Variants in STAR observed in about 807,000 individuals in gnomAD.
STAR encodes the protein steroidogenic acute regulatory protein, mitochondrial.
A neutral mutation model predicts 32.3 loss-of-function variants in STAR; 32 were observed. The observed-to-expected ratio is 0.99, with a 90% CI of 0.75 to 1.33. The LOEUF (loss-of-function observed/expected upper bound fraction) is 1.33, where lower values mean the gene tolerates loss of function less well. Ranked by LOEUF, STAR falls within the 40% of genes most tolerant of loss-of-function variation. STAR has a pLI of 0.00. For missense variants in STAR, 375 were observed against 379.0 expected, an observed-to-expected ratio of 0.99 and a Z score of 0.09; for synonymous variants, 134 against 140.5, an observed-to-expected ratio of 0.95 and a Z score of 0.33.
intron 6 of STAR, 79 bp downstream of exon 6, chr8:38,145,143 C>A (rs767172441): frequency 4.4e-6 from 7 of 1,601,854 alleles, no homozygotes; most frequent in Admixed American, 1.7e-5. Context: ...AGGATTCTTT[C>A]TGCAGCATGG....
intron 1 of STAR, 152 bp downstream of exon 1, chr8:38,150,603 T>G: frequency 3.2e-6 from 4 of 1,240,866 alleles, no homozygotes; most frequent in Non-Finnish European, 4.6e-6. Flanking sequence ...ACCAGCCCAC[T>G]TCTTCCGAGG....
chr8:38,145,067 T>C, intron 6 of STAR, 155 bp downstream of exon 6: 1 of 1,498,104 alleles, frequency 6.7e-7, no homozygotes, highest in South Asian at 1.2e-5. Flanking sequence ...GATGGTAGAG[T>C]AGCAGTTAGG....
chr8:38,146,032 C>A lies in STAR; in HGVS notation c.581G>T (p.Gly194Val). The A allele has an allele frequency of 6.2e-7, 1 of 1,614,248 alleles. No individual in the cohort carries two copies. Among genetic ancestry groups the A allele is most frequent in the Non-Finnish European group, 8.5e-7 (1 of 1,180,046 alleles). ...CATGCCAGCCAGCACACAGGTGGAGCCTCGGCGCTTGGCACAGCGCACGCT... is the reference window on the plus strand; with the variant it reads ...CATGCCAGCCAGCACACAGGTGGAGACTCGGCGCTTGGCACAGCGCACGCT... ...FVSVRCAKRR[G>V]STCVLAGMAT... Residue 194 changes from glycine to valine, a missense_variant, in exon 5 of 7, where the codon GGC becomes GTC. Gly to Val is a moderately radical substitution (Grantham distance 109). Transcript: ENST00000276449.
At chr8:38,145,932 AGG>A in intron 5 of STAR, 29 bp downstream of exon 5, 1 of 1,612,350 alleles carries the variant, frequency 6.2e-7, no homozygotes, top group Non-Finnish European at 8.5e-7. Context: ...GTGTTAGAAG[AGG>A]GGGGTTTGGA....
At position 38,142,750 on chromosome 8, in the gene STAR, G is replaced by A. The variant is rs1015991774; in HGVS notation, c.*1523C>T. ...TCCATGTTAGTCAGGCTGGTCTCCT[G>A]CCCTCAGGTGATTGCCTGCCTTGGC... On this transcript the variant is annotated 3_prime_UTR_variant, in exon 7 of 7. Coordinates refer to ENST00000276449, the MANE Select transcript of STAR (RefSeq NM_000349.3). Among the ~76,000 whole-genome samples the A allele has an allele frequency of 1.3e-5, 2 of 152,016 alleles. No individual in the cohort carries two copies. Among genetic ancestry groups the A allele is most frequent in the Non-Finnish European group, 2.9e-5 (2 of 67,970 alleles).
chr8:38,146,086 C>A lies in STAR; in HGVS notation c.527G>T (p.Gly176Val). ...AAAGTCACGGGGCCCCACCAGGTTT[C>A]CTGCTGCCTCGGCAGCCAGCTCGTG... Reference protein sequence around the residue: ...ITHELAAEAAGNLVGPRDFVS... With the variant: ...ITHELAAEAAVNLVGPRDFVS... The change falls in exon 5 of 7, where the codon GGA becomes GTA. Residue 176 changes from glycine to valine, a missense_variant. Transcript: ENST00000276449. The A allele has an allele frequency of 6.2e-7, 1 of 1,614,226 alleles. No individual in the cohort carries two copies. Among genetic ancestry groups the A allele is most frequent in the Non-Finnish European group, 8.5e-7 (1 of 1,180,034 alleles).
chr8:38,149,136 G>C (rs911875580), intron 1 of STAR: 1 of 290,334 alleles, frequency 3.4e-6, no homozygotes, highest in Non-Finnish European at 6.8e-6. Flanking sequence ...GTGTCTGCAC[G>C]AGTCTGTGCT....
At chr8:38,144,944 G>T in intron 6 of STAR, 1 of 1,180,674 alleles carries the variant, frequency 8.5e-7, no homozygotes, top group Non-Finnish European at 1.1e-6. Flanking sequence ...GGGAGGCGGA[G>T]GTTACGGTGA....
Position 38,148,197 on chromosome 8 carries a change from T to TA in STAR, c.306+2dup. ...GAACCACAGGCTTCTCCCCGACACTTACCTGCTGACTCTCCTTCTTCCAGC... is the reference window on the plus strand; with the variant it reads ...GAACCACAGGCTTCTCCCCGACACTTAACCTGCTGACTCTCCTTCTTCCAGC... On this transcript the variant is annotated splice_region_variant and intron_variant, in intron 3 of 6. Transcript: ENST00000276449. The TA allele has an allele frequency of 2.5e-6, 4 of 1,613,970 alleles. No homozygotes were observed. Among genetic ancestry groups the TA allele is most frequent in the Non-Finnish European group, 3.4e-6 (4 of 1,179,948 alleles).
chr8:38,146,200 A>AC lies in STAR; in HGVS notation c.466-54dup, dbSNP rs1049879155. The stretch of plus-strand genomic sequence containing the variant: ...CGACTCAGCCTGTGTTGGGCTAAGC[A>AC]CCCCCCACAGCTAGGGGTCCTCTCT... On this transcript the variant is annotated intron_variant, in intron 4 of 6. Coordinates refer to ENST00000276449, the MANE Select transcript of STAR (RefSeq NM_000349.3). 94 of 1,612,548 alleles carry AC rather than the reference A, an allele frequency of 5.8e-5. 2 individuals carry two copies. The African/African-American group carries it at 1.2e-3, about 21-fold the overall frequency.
intron 1 of STAR, chr8:38,149,197 C>G: frequency 4.6e-6 from 1 of 219,638 alleles, no homozygotes; most frequent in South Asian, 6.9e-5. Context: ...ATCTGTGCTT[C>G]TGTGAGTCTG....
intron 3 of STAR, 121 bp from the exon 4 acceptor site, chr8:38,146,568 G>A: frequency 9.0e-7 from 1 of 1,111,438 alleles, no homozygotes; most frequent in Non-Finnish European, 1.3e-6. Flanking sequence ...ACAAGGTCAG[G>A]AGTTCGAGAC....
At chr8:38,144,828 G>A (rs967827460) in intron 6 of STAR, 9 of 549,220 alleles carry the variant, frequency 1.6e-5, no homozygotes, top group Non-Finnish European at 2.5e-5. Context: ...GGCCACCATA[G>A]TGAAACCCCG....
rs151075160 is a variant in STAR at position 38,148,656 on chromosome 8, G to C, written c.163C>G (p.Arg55Gly). The C allele has an allele frequency of 5.6e-6, 9 of 1,614,046 alleles. No homozygotes were observed. Among genetic ancestry groups the C allele is most frequent in the Non-Finnish European group, 6.8e-6 (8 of 1,180,026 alleles). ...CAGCACTTACCGAGTAGAGAGCTCC[G>C]CCGCCGAACCTGGTTAATCCACGTG... Reference protein sequence around the residue: ...PSTWINQVRRRSSLLGSRLEE... With the variant: ...PSTWINQVRRGSSLLGSRLEE... Residue 55 changes from arginine to glycine, a missense_variant, in exon 2 of 7, where the codon CGG (arginine) becomes GGG (glycine). Arg to Gly is a moderately radical substitution (Grantham distance 125). Transcript: ENST00000276449.
Position 38,145,244 on chromosome 8 carries a change from CA to C in STAR, c.721del (p.Trp241GlyfsTer80). The C allele has an allele frequency of 1.2e-6, 2 of 1,614,096 alleles. No individual in the cohort carries two copies. The highest frequency in any genetic ancestry group is 1.7e-6 in the Non-Finnish European group (2 of 1,180,030). Reference protein sequence around the residue: ...AGSPSKTKLTWLLSIDLKGWL... With the variant: ...AGSPSKTKLTXLLSIDLKGWL... ...CACCTTGAGGTCGATGCTGAGTAGC[CA>C]CGTAAGTTTGGTCTTAGAGGGACTT... On this transcript the variant is annotated frameshift_variant, in exon 6 of 7. Coordinates refer to ENST00000276449, the MANE Select transcript of STAR (RefSeq NM_000349.3). LOFTEE classifies it high-confidence loss of function.
At chr8:38,150,088 CAAAAT>C (rs370415666) in intron 1 of STAR, among the ~76,000 whole-genome samples, 96 of 152,082 alleles carry the variant, frequency 6.3e-4, no homozygotes, top group African/African-American at 2.1e-3. Flanking sequence ...GACTCCATCT[CAAAAT>C]AAAGTAAGCC....
intron 1 of STAR, 110 bp downstream of exon 1, chr8:38,150,643 CTT>C (rs924328886): frequency 6.5e-7 from 1 of 1,542,274 alleles, no homozygotes; most frequent in African/African-American, 1.4e-5. Context: ...AGGGAAGAAA[CTT>C]GCCCAGGTTC....
intron 1 of STAR, chr8:38,149,054 C>G (rs1168820836): frequency 2.4e-6 from 1 of 418,302 alleles, no homozygotes; most frequent in Admixed American, 3.6e-5. Flanking sequence ...AAGCTGTGTT[C>G]AAGCAACCAG....
intron 5 of STAR, 176 bp from the exon 6 acceptor site, chr8:38,145,491 A>G (rs915962142): frequency 2.4e-6 from 2 of 836,882 alleles, no homozygotes; most frequent in African/African-American, 1.7e-5. Context: ...TTACCAGCTC[A>G]TCAGAATAAA....
Sources: allele counts gnomAD v4.1 joint callset (sites outside exome capture counted in the v4.1 genomes callset), GRCh38; gene constraint gnomAD v4.1.1; transcripts MANE v1.5; gene names NCBI Gene and HGNC (gene_info 2026-07-23, HGNC 2026-07-21).